The following SGIP1 variants were observed in gnomAD, a reference collection of about 807,000 sequenced individuals.
SGIP1 encodes SH3-containing GRB2-like protein 3-interacting protein 1.
Under a neutral mutation model 107.5 loss-of-function variants are expected in SGIP1, and 38 were observed. The ratio of observed to expected loss-of-function variants is 0.35; its 90% CI spans 0.27 to 0.46. The LOEUF is 0.46. SGIP1 is among the 20% of genes least tolerant of loss of function. The pLI, the probability that SGIP1 is intolerant of heterozygous loss-of-function variation, is 1.00. For missense variants in SGIP1, 929 were observed against 1,019.5 expected (o/e 0.91, Z 1.21); for synonymous variants, 365 against 366.1 (o/e 1.00, Z 0.03).
intron 18 of SGIP1, among the ~76,000 whole-genome samples, chr1:66,713,659 TA>T (rs11361916): frequency 0.013 from 1,915 of 152,234 alleles, 40 homozygotes; most frequent in African/African-American, 0.044. Context: ...ATAAACTCCA[TA>T]GGGGGAAGGA....
At position 66,631,060 on chromosome 1, in the gene SGIP1, AAAGAAAG is replaced by A. The variant is rs1180605939; in HGVS notation, c.75-2007_75-2001del. ...GGAAGAAAGGAAGAAAGAAAGAAAGAAAGAAAGAAAGAAAGAAAGAAAGAAAGAAAGA... is the reference window on the plus strand; with the variant it reads ...GGAAGAAAGGAAGAAAGAAAGAAAGAAAAGAAAGAAAGAAAGAAAGAAAGA... On this transcript the variant is annotated intron_variant, in intron 2 of 24. Coordinates refer to ENST00000371037, the MANE Select transcript of SGIP1 (RefSeq NM_032291.4). 5.3e-5 allele frequency among the ~76,000 whole-genome samples: 6 copies of A among 113,346 alleles called. No individual in the cohort carries two copies. In the East Asian group the frequency reaches 1.6e-3, roughly 30 times the overall value. The allele number at this position is 113,346 out of a possible 152,430, so 74.4% of individuals were successfully genotyped here. A position where few individuals can be genotyped will look rare whatever the true frequency, so the allele number is the denominator to read the frequency against.
chr1:66,620,067 T>G (rs899470521), intron 1 of SGIP1, among the ~76,000 whole-genome samples: 1 of 152,176 alleles, frequency 6.6e-6, no homozygotes, highest in African/African-American at 2.4e-5. Context: ...CAAAATTTGA[T>G]GTTTACTTAA....
intron 1 of SGIP1, among the ~76,000 whole-genome samples, chr1:66,547,118 G>A (rs964128013): frequency 1.3e-5 from 2 of 152,134 alleles, no homozygotes; most frequent in Non-Finnish European, 2.9e-5. Flanking sequence ...AGTTGGGTTA[G>A]ATATTTTGAA....
chr1:66,723,234 AT>A, intron 19 of SGIP1, among the ~76,000 whole-genome samples: 1 of 152,258 alleles, frequency 6.6e-6, no homozygotes, highest in South Asian at 2.1e-4. Context: ...TTTGGATTTG[AT>A]TTTGTCTATA....
At chr1:66,741,187 T>C (rs1233746998) in intron 23 of SGIP1, 85 bp from the exon 24 acceptor site, 1 of 1,355,126 alleles carries the variant, frequency 7.4e-7, no homozygotes, top group South Asian at 1.6e-5. Context: ...TCTGATTTTG[T>C]ACGTTAACTT....
In SGIP1 at chr1:66,708,579, A is replaced by C. The variant is rs564642980; in HGVS notation, c.1631-10715A>C. On this transcript the variant is annotated intron_variant, in intron 18 of 24. Coordinates refer to ENST00000371037, the MANE Select transcript of SGIP1 (RefSeq NM_032291.4). ...ATTTTTGTTGAATACATGTGTTCTG[A>C]CTTGGATAATAAAAAGCAAGTATAA... is the stretch of plus-strand genomic sequence containing the variant. 3.3e-5 allele frequency among the ~76,000 whole-genome samples: 5 copies of C among 152,238 alleles called. No individual in the cohort carries two copies. In the South Asian group the frequency reaches 1.0e-3, roughly 32 times the overall value.
At position 66,739,610 on chromosome 1, in the gene SGIP1, G is replaced by T. The variant is rs377439982; in HGVS notation, c.2234+73G>T. 10 of 1,473,184 alleles carry T rather than the reference G, an allele frequency of 6.8e-6. No individual in the cohort carries two copies. In the East Asian group the frequency reaches 2.0e-4, roughly 30 times the overall value. The allele number at this position is 1,473,184 out of a possible 1,614,324, so 91.3% of individuals were successfully genotyped here. ...AGGTCACAGACTCCTTAGCACTTGC[G>T]TGTCCTGTAGGAGGAGATGACAGCA... On this transcript the variant is annotated intron_variant, in intron 22 of 24. Coordinates refer to ENST00000371037, the MANE Select transcript of SGIP1 (RefSeq NM_032291.4).
At chr1:66,632,940 G>A in intron 2 of SGIP1, 130 bp from the exon 3 acceptor site, 9 of 724,492 alleles carry the variant, frequency 1.2e-5, no homozygotes, top group South Asian at 1.2e-4. Context: ...GTTTTCATTA[G>A]CCAGGTTTAC....
intron 1 of SGIP1, among the ~76,000 whole-genome samples, chr1:66,543,446 C>G (rs1207944507): frequency 6.6e-6 from 1 of 152,106 alleles, no homozygotes; most frequent in Non-Finnish European, 1.5e-5. Context: ...AAAGACTTAC[C>G]TAAGGATTTT....
intron 1 of SGIP1, among the ~76,000 whole-genome samples, chr1:66,551,712 G>A (rs967737702): frequency 6.6e-6 from 1 of 152,082 alleles, no homozygotes; most frequent in African/African-American, 2.4e-5. Context: ...ACTGCCCTTA[G>A]GTGTTGCCTT....
At chr1:66,557,983 C>A (rs184807227) in intron 1 of SGIP1, among the ~76,000 whole-genome samples, 1 of 152,026 alleles carries the variant, frequency 6.6e-6, no homozygotes, top group Non-Finnish European at 1.5e-5. Context: ...ATGAGCTCTG[C>A]GAGGATGGGG....
intron 20 of SGIP1, among the ~76,000 whole-genome samples, chr1:66,732,092 T>A (rs1183334288): frequency 2.6e-5 from 4 of 152,206 alleles, no homozygotes; most frequent in Non-Finnish European, 1.5e-5. Flanking sequence ...GCTATTAATC[T>A]CAGCAAATGT....
intron 1 of SGIP1, among the ~76,000 whole-genome samples, chr1:66,536,952 A>G (rs564943353): frequency 6.6e-6 from 1 of 152,198 alleles, no homozygotes; most frequent in South Asian, 2.1e-4. Flanking sequence ...GAGTAAACAA[A>G]TATTCAGCAG....
At chr1:66,585,246 G>C (rs367776064) in intron 1 of SGIP1, among the ~76,000 whole-genome samples, 4 of 151,980 alleles carry the variant, frequency 2.6e-5, no homozygotes, top group African/African-American at 9.7e-5. Context: ...AGTTTGTTTT[G>C]TTCTGTTTTA....
chr1:66,734,265 T>C (rs533030222), intron 21 of SGIP1, among the ~76,000 whole-genome samples: 1 of 152,240 alleles, frequency 6.6e-6, no homozygotes, highest in South Asian at 2.1e-4. Flanking sequence ...CAATCTGCTT[T>C]TGTTTTTCTA....
rs71058468 is a variant in SGIP1 at position 66,631,681 on chromosome 1, T to TTCTCTCTCTCTCTC, written c.75-1355_75-1342dup. Among the ~76,000 whole-genome samples, 29 of 132,260 alleles carry TTCTCTCTCTCTCTC rather than the reference T, an allele frequency of 2.2e-4. 1 individual carries two copies. Among genetic ancestry groups the TTCTCTCTCTCTCTC allele is most frequent in the African/African-American group, 5.7e-4 (20 of 35,258 alleles). The allele number at this position is 132,260 out of a possible 152,430, so 86.8% of individuals were successfully genotyped here. A position where few individuals can be genotyped will look rare whatever the true frequency, so the allele number is the denominator to read the frequency against. On this transcript the variant is annotated intron_variant, in intron 2 of 24. Coordinates refer to ENST00000371037, the MANE Select transcript of SGIP1 (RefSeq NM_032291.4). ...TCTCTCTCTCTTTCTCTCTCTCTCT[T>TTCTCTCTCTCTCTC]TCTCTCTCTCTCTCTCTCTCTCTCT...
chr1:66,633,770 GC>G (rs1189732455), intron 3 of SGIP1, among the ~76,000 whole-genome samples: 1 of 151,114 alleles, frequency 6.6e-6, no homozygotes, highest in African/African-American at 2.5e-5. Context: ...TAAATCAGAT[GC>G]CTATTCAGAA....
At chr1:66,543,102 A>G (rs1244928944) in intron 1 of SGIP1, among the ~76,000 whole-genome samples, 1 of 152,154 alleles carries the variant, frequency 6.6e-6, no homozygotes, top group African/African-American at 2.4e-5. Flanking sequence ...AGGCCACCTC[A>G]CACAGAAGGA....
In SGIP1 at chr1:66,628,281, A is replaced by G. The variant is rs930839288; in HGVS notation, c.74+2371A>G. 2.6e-5 allele frequency among the ~76,000 whole-genome samples: 4 copies of G among 152,118 alleles called. No homozygotes were observed. In the East Asian group the frequency reaches 5.8e-4, roughly 22 times the overall value. Reference sequence around the variant, plus strand: ...TTTCTAATCATTAACCACCCAGAATATGTGATGATGCCTTCACTAGATCAG... The same window carrying G: ...TTTCTAATCATTAACCACCCAGAATGTGTGATGATGCCTTCACTAGATCAG... On this transcript the variant is annotated intron_variant, in intron 2 of 24. Transcript: ENST00000371037.
Sources: allele counts gnomAD v4.1 joint callset (sites outside exome capture counted in the v4.1 genomes callset), GRCh38; gene constraint gnomAD v4.1.1; transcripts MANE v1.5; gene names NCBI Gene and HGNC (gene_info 2026-07-23, HGNC 2026-07-21).